MYO5A: variants seen among roughly 807,000 people sequenced by gnomAD.
MYO5A encodes myosin VA.
A neutral mutation model predicts 249.7 loss-of-function variants in MYO5A; 98 were observed. That is an observed-to-expected ratio of 0.39 (90% CI 0.33 to 0.46). The LOEUF (loss-of-function observed/expected upper bound fraction) is 0.46. Ranked by LOEUF, MYO5A falls within the 20% of genes least tolerant of loss-of-function variation. The probability of loss-of-function intolerance (pLI) is 0.98; values close to 1 mark genes in which losing one functional copy is unlikely to be tolerated. For missense variants in MYO5A, 1,696 were observed against 2,308.8 expected, an observed-to-expected ratio of 0.73 and a Z score of 5.44; for synonymous variants, 778 against 810.6, an observed-to-expected ratio of 0.96 and a Z score of 0.68.
intron 2 of MYO5A, among the ~76,000 whole-genome samples, chr15:52,429,722 A>G (rs1215031866): frequency 1.3e-5 from 2 of 152,114 alleles, no homozygotes; most frequent in African/African-American, 4.8e-5. Context: ...AAAACAAAAC[A>G]AACGACATTT....
chr15:52,405,211 T>G, intron 9 of MYO5A, 76 bp downstream of exon 9: 1 of 1,043,146 alleles, frequency 9.6e-7, no homozygotes, highest in Non-Finnish European at 1.5e-6. Flanking sequence ...ACTTAAACTA[T>G]ATTGCTTCTT....
At chr15:52,332,505 T>C (rs566759344) in intron 34 of MYO5A, among the ~76,000 whole-genome samples, 1 of 152,278 alleles carries the variant, frequency 6.6e-6, no homozygotes, top group South Asian at 2.1e-4. Flanking sequence ...ATATTTTTGG[T>C]ACTGTATAAA....
intron 22 of MYO5A, among the ~76,000 whole-genome samples, chr15:52,367,521 G>A (rs2040869447): frequency 6.6e-6 from 1 of 152,142 alleles, no homozygotes; most frequent in African/African-American, 2.4e-5. Context: ...CTGGCACTAA[G>A]TCAGCATTTG....
At chr15:52,475,866 T>C (rs566514432) in intron 1 of MYO5A, among the ~76,000 whole-genome samples, 1 of 152,352 alleles carries the variant, frequency 6.6e-6, no homozygotes, top group Admixed American at 6.5e-5. Flanking sequence ...TATATTCTGT[T>C]GATTTGGGGT....
At chr15:52,343,257 G>A (rs2039464009) in intron 30 of MYO5A, 60 bp from the exon 31 acceptor site, 1 of 1,379,618 alleles carries the variant, frequency 7.2e-7, no homozygotes, top group Non-Finnish European at 1.0e-6. Flanking sequence ...CTGATGAGGT[G>A]ACGATGGTCA....
intron 1 of MYO5A, among the ~76,000 whole-genome samples, chr15:52,524,554 T>TAAAA (rs1171966012): frequency 3.9e-5 from 1 of 25,822 alleles, no homozygotes; most frequent in Non-Finnish European, 1.2e-4. Context: ...ACCCTGAACC[T>TAAAA]AAATAAATAA....
intron 37 of MYO5A, among the ~76,000 whole-genome samples, chr15:52,322,726 T>G (rs946629806): frequency 1.1e-4 from 17 of 151,824 alleles, no homozygotes; most frequent in African/African-American, 4.1e-4. Context: ...AACAATAGAG[T>G]TTTTTTGGAC....
chr15:52,349,355 G>A (rs1261680603), intron 28 of MYO5A, among the ~76,000 whole-genome samples: 1 of 152,172 alleles, frequency 6.6e-6, no homozygotes, highest in African/African-American at 2.4e-5. Flanking sequence ...TAGAAACTGA[G>A]TGAGACAAAC....
At chr15:52,513,937 A>C (rs1050334122) in intron 1 of MYO5A, among the ~76,000 whole-genome samples, 2 of 152,212 alleles carry the variant, frequency 1.3e-5, no homozygotes, top group Non-Finnish European at 2.9e-5. Flanking sequence ...TGGCCAAGAG[A>C]CTAAGGAAAG....
chr15:52,470,807 G>A (rs970627727), intron 1 of MYO5A, among the ~76,000 whole-genome samples: 2 of 152,048 alleles, frequency 1.3e-5, no homozygotes, highest in African/African-American at 2.4e-5. Context: ...CGGATCACTC[G>A]AGGTCAGGCA....
chr15:52,482,772 C>T lies in MYO5A; in HGVS notation c.27+46008G>A, dbSNP rs143040879. On this transcript the variant is annotated intron_variant, in intron 1 of 41. Transcript: ENST00000399233. Reference sequence around the variant, plus strand: ...TCCATTAGTAGAGGAGTTGCGGCAGCTCAAGGCAAGGAGCCTGAGGCCCAG... The same window carrying T: ...TCCATTAGTAGAGGAGTTGCGGCAGTTCAAGGCAAGGAGCCTGAGGCCCAG... 2.7e-3 allele frequency among the ~76,000 whole-genome samples: 415 copies of T among 152,188 alleles called. 1 individual carries two copies. Among genetic ancestry groups the T allele is most frequent in the African/African-American group, 9.3e-3 (388 of 41,514 alleles).
chr15:52,380,757 A>G (rs1462241229), intron 16 of MYO5A, among the ~76,000 whole-genome samples: 2 of 152,114 alleles, frequency 1.3e-5, no homozygotes, highest in Non-Finnish European at 2.9e-5. Context: ...ACAGGGCGAG[A>G]CTCCGTCTAA....
intron 31 of MYO5A, among the ~76,000 whole-genome samples, chr15:52,341,423 C>T (rs955644712): frequency 2.0e-5 from 3 of 152,346 alleles, no homozygotes; most frequent in South Asian, 4.1e-4. Context: ...AGCAAACATA[C>T]AGCCAGCTGT....
intron 1 of MYO5A, among the ~76,000 whole-genome samples, chr15:52,434,097 T>C (rs952612891): frequency 5.3e-5 from 8 of 151,884 alleles, no homozygotes; most frequent in Non-Finnish European, 1.0e-4. Flanking sequence ...CCTCCCGGGT[T>C]CAAGTGATTC....
At chr15:52,494,260 T>G (rs1303712156) in intron 1 of MYO5A, among the ~76,000 whole-genome samples, 1 of 152,182 alleles carries the variant, frequency 6.6e-6, no homozygotes, top group Non-Finnish European at 1.5e-5. Context: ...CCACCCATAA[T>G]CTGCTATCCA....
At chr15:52,424,894 T>C (rs529397667) in intron 4 of MYO5A, among the ~76,000 whole-genome samples, 15 of 152,330 alleles carry the variant, frequency 9.8e-5, no homozygotes, top group Non-Finnish European at 2.1e-4. Flanking sequence ...CCATGGTTAA[T>C]ATAAGAGACA....
intron 9 of MYO5A, among the ~76,000 whole-genome samples, chr15:52,398,404 T>C (rs939293822): frequency 2.0e-5 from 3 of 152,212 alleles, no homozygotes; most frequent in Non-Finnish European, 4.4e-5. Context: ...CTGACATTCC[T>C]GGGGCATAGG....
At position 52,460,013 on chromosome 15, in the gene MYO5A, C is replaced by A. The variant is rs868616067; in HGVS notation, c.28-26728G>T. Among the ~76,000 whole-genome samples, 97 of 133,514 alleles carry A rather than the reference C, an allele frequency of 7.3e-4. 1 individual carries two copies. Among genetic ancestry groups the A allele is most frequent in the African/African-American group, 2.5e-3 (87 of 34,628 alleles). 87.6% of individuals were successfully genotyped at this position (133,514 alleles called of 152,430 possible). On this transcript the variant is annotated intron_variant, in intron 1 of 41. Coordinates refer to ENST00000399233, the MANE Select transcript of MYO5A (RefSeq NM_001382347.1). ...ACACTCCTCAGTTCCCAGACGGGGT[C>A]GCGGCCGGGCAGAGGCACTCTTTAT...
chr15:52,489,435 G>C (rs960258535), intron 1 of MYO5A, among the ~76,000 whole-genome samples: 1 of 151,966 alleles, frequency 6.6e-6, no homozygotes, highest in Non-Finnish European at 1.5e-5. Context: ...GTGGTGGCAC[G>C]CACCTGTAGT....
Sources: gnomAD v4.1 joint callset for allele counts (sites outside exome capture counted in the v4.1 genomes callset) on GRCh38, gnomAD v4.1.1 for gene constraint, MANE v1.5 for transcripts, NCBI Gene and HGNC (gene_info 2026-07-23, HGNC 2026-07-21) for gene names.